GRXCR1: variants seen among roughly 807,000 people sequenced by gnomAD.
The protein encoded by GRXCR1 is glutaredoxin and cysteine rich domain containing 1.
A neutral mutation model predicts 27.3 loss-of-function variants in GRXCR1; 27 were observed. The ratio of observed to expected loss-of-function variants is 0.99; its 90% CI spans 0.73 to 1.37. GRXCR1 has a LOEUF of 1.37. GRXCR1 is among the 40% of genes most tolerant of loss of function. GRXCR1 has a pLI of 0.00. For missense variants in GRXCR1, 379 were observed against 354.4 expected, an observed-to-expected ratio of 1.07 and a Z score of -0.56; for synonymous variants, 122 against 131.1, an observed-to-expected ratio of 0.93 and a Z score of 0.47.
At chr4:42,946,658 A>G (rs1022229175) in intron 1 of GRXCR1, among the ~76,000 whole-genome samples, 1 of 152,144 alleles carries the variant, frequency 6.6e-6, no homozygotes, top group Non-Finnish European at 1.5e-5. Flanking sequence ...TTTTTGCTGT[A>G]TCCTCACATG....
rs546059860 is a variant in GRXCR1, at chr4:43,029,387, C to G, written c.694-974C>G. Among the ~76,000 whole-genome samples, 30 of 152,264 alleles carry G rather than the reference C, an allele frequency of 2.0e-4. 3 individuals are homozygous for G. The highest frequency in any genetic ancestry group is 1.7e-3 in the South Asian group (8 of 4,830). On this transcript the variant is annotated intron_variant, in intron 3 of 3. Coordinates refer to ENST00000399770, the MANE Select transcript of GRXCR1 (RefSeq NM_001080476.3). ...CTTATTTTATCAATTATTCCCTTCA[C>G]AAAGCCAGGGTTTCAAACACTGCTG...
intron 2 of GRXCR1, among the ~76,000 whole-genome samples, chr4:42,973,637 G>T (rs964879016): frequency 6.6e-6 from 1 of 152,068 alleles, no homozygotes; most frequent in Admixed American, 6.6e-5. Context: ...CAGTTGCCAA[G>T]ATTTATTGTA....
At chr4:43,018,000 T>C (rs978338463) in intron 2 of GRXCR1, among the ~76,000 whole-genome samples, 2 of 152,192 alleles carry the variant, frequency 1.3e-5, no homozygotes, top group Non-Finnish European at 2.9e-5. Context: ...AATATTTCCC[T>C]GAAATGTGCC....
chr4:43,028,756 T>G (rs2109811571), intron 3 of GRXCR1, among the ~76,000 whole-genome samples: 1 of 152,362 alleles, frequency 6.6e-6, no homozygotes, highest in Non-Finnish European at 1.5e-5. Context: ...TTAAGTGCAG[T>G]GCATCCTTTT....
chr4:43,021,572 GC>G (rs1351986413), intron 3 of GRXCR1, among the ~76,000 whole-genome samples: 1 of 152,096 alleles, frequency 6.6e-6, no homozygotes, highest in African/African-American at 2.4e-5. Context: ...CAGGTACTTT[GC>G]TAAGGGAGAC....
intron 2 of GRXCR1, among the ~76,000 whole-genome samples, chr4:43,010,705 G>A (rs754223220): frequency 1.3e-5 from 2 of 152,084 alleles, no homozygotes; most frequent in South Asian, 2.1e-4. Flanking sequence ...AAGAGATCAC[G>A]TAAAAAAGTG....
intron 2 of GRXCR1, among the ~76,000 whole-genome samples, chr4:43,010,379 G>A (rs1712707661): frequency 6.6e-6 from 1 of 150,882 alleles, no homozygotes; most frequent in South Asian, 2.1e-4. Flanking sequence ...CTCCAGCCTC[G>A]GTAACAAGAG....
At chr4:42,907,460 C>T in intron 1 of GRXCR1, among the ~76,000 whole-genome samples, 1 of 152,184 alleles carries the variant, frequency 6.6e-6, no homozygotes, top group East Asian at 1.9e-4. Flanking sequence ...CACCTCTCCT[C>T]TTAGCTAGCA....
chr4:43,025,007 G>A (rs1713208591), intron 3 of GRXCR1, among the ~76,000 whole-genome samples: 1 of 152,088 alleles, frequency 6.6e-6, no homozygotes, highest in South Asian at 2.1e-4. Flanking sequence ...GATGATCTGA[G>A]GTTAAAAATA....
At chr4:42,975,930 A>G (rs1334397708) in intron 2 of GRXCR1, among the ~76,000 whole-genome samples, 2 of 152,174 alleles carry the variant, frequency 1.3e-5, no homozygotes, top group African/African-American at 2.4e-5. Flanking sequence ...GAACTTTTGA[A>G]GGATGCAGGC....
chr4:43,016,162 T>C (rs1273904086), intron 2 of GRXCR1, among the ~76,000 whole-genome samples: 2 of 152,360 alleles, frequency 1.3e-5, no homozygotes, highest in Non-Finnish European at 2.9e-5. Context: ...ATAGATTGCT[T>C]ATGCCATGGC....
intron 2 of GRXCR1, among the ~76,000 whole-genome samples, chr4:42,986,873 A>G (rs546507556): frequency 3.3e-5 from 5 of 152,050 alleles, no homozygotes; most frequent in African/African-American, 1.2e-4. Flanking sequence ...TAGTCCCCCT[A>G]AGCCTGGAAA....
chr4:43,004,660 T>A (rs1712497848), intron 2 of GRXCR1, among the ~76,000 whole-genome samples: 1 of 152,220 alleles, frequency 6.6e-6, no homozygotes, highest in Admixed American at 6.5e-5. Flanking sequence ...TAAGATTTCA[T>A]AACTGCCCTG....
intron 2 of GRXCR1, among the ~76,000 whole-genome samples, chr4:42,977,510 G>C (rs2109782822): frequency 6.6e-6 from 1 of 152,014 alleles, no homozygotes; most frequent in East Asian, 1.9e-4. Context: ...ATTCTAGCAG[G>C]CATGAGGTGA....
At chr4:42,934,726 CAAT>C (rs1459357447) in intron 1 of GRXCR1, among the ~76,000 whole-genome samples, 1 of 151,862 alleles carries the variant, frequency 6.6e-6, no homozygotes, top group East Asian at 1.9e-4. Flanking sequence ...ATAAACTTTG[CAAT>C]AATAAGGGCC....
intron 1 of GRXCR1, among the ~76,000 whole-genome samples, chr4:42,895,791 T>C (rs777660064): frequency 6.6e-6 from 1 of 152,156 alleles, no homozygotes; most frequent in African/African-American, 2.4e-5. Context: ...TATATTCCCA[T>C]AGGCATCCCA....
chr4:42,986,503 T>A (rs1711728133), intron 2 of GRXCR1, among the ~76,000 whole-genome samples: 1 of 152,176 alleles, frequency 6.6e-6, no homozygotes, highest in East Asian at 1.9e-4. Context: ...TTCAAATTAA[T>A]CTCTGTGGTG....
At chr4:42,960,041 G>T (rs1350274226) in intron 1 of GRXCR1, among the ~76,000 whole-genome samples, 1 of 151,860 alleles carries the variant, frequency 6.6e-6, no homozygotes, top group Non-Finnish European at 1.5e-5. Context: ...CCCGATAGGG[G>T]TCATCTTATT....
At chr4:42,925,345 T>C (rs1210950614) in intron 1 of GRXCR1, among the ~76,000 whole-genome samples, 1 of 152,074 alleles carries the variant, frequency 6.6e-6, no homozygotes, top group Non-Finnish European at 1.5e-5. Flanking sequence ...AGGCATTTCA[T>C]GTTTGTATTA....
Sources: gnomAD v4.1 joint callset for allele counts (sites outside exome capture counted in the v4.1 genomes callset) on GRCh38, gnomAD v4.1.1 for gene constraint, MANE v1.5 for transcripts, NCBI Gene and HGNC (gene_info 2026-07-23, HGNC 2026-07-21) for gene names.